The following SLC35A5 variants were observed in gnomAD, a reference collection of about 807,000 sequenced individuals.
The protein encoded by SLC35A5 is solute carrier family 35 member A5, also known as UDP-sugar transporter protein SLC35A5.
A neutral mutation model predicts 36.3 loss-of-function variants in SLC35A5; 28 were observed. The ratio of observed to expected loss-of-function variants is 0.77; its 90% confidence interval spans 0.57 to 1.06. The LOEUF is 1.06. Among genes scored for constraint, SLC35A5 ranks in the 50% least tolerant of loss-of-function variants. The probability of loss-of-function intolerance (pLI) is 0.00; values close to 1 mark genes in which losing one functional copy is unlikely to be tolerated. For synonymous variants in SLC35A5, 180 were observed against 173.7 expected (o/e 1.04, Z -0.29); for missense variants, 521 against 499.3 (o/e 1.04, Z -0.41).
chr3:112,572,860 G>T (rs573629142), intron 4 of SLC35A5, among the ~76,000 whole-genome samples: 1 of 152,282 alleles, frequency 6.6e-6, no homozygotes, highest in South Asian at 2.1e-4. Flanking sequence ...TAATGTGATT[G>T]ATCAAGGCCA....
intron 3 of SLC35A5, 155 bp from the exon 4 acceptor site, chr3:112,570,385 G>A: frequency 1.4e-6 from 1 of 696,020 alleles, no homozygotes. Flanking sequence ...GATTGTCAGT[G>A]ATGAAACTGG....
In SLC35A5 at chr3:112,584,398, A is replaced by G. The variant is rs1256305577; in HGVS notation, c.*1662A>G. 6.6e-6 allele frequency: 1 copy of G among 152,222 alleles called. No individual in the cohort carries two copies. Among genetic ancestry groups the G allele is most frequent in the African/African-American group, 2.4e-5 (1 of 41,458 alleles). The allele number at this position is 152,222 out of a possible 1,614,324, so 9.4% of individuals were successfully genotyped here. ...GCAGGACCTTTCTAGGAAATGTGGC[A>G]TACAAAACATTTTTATCTCATAAAA... On this transcript the variant is annotated 3_prime_UTR_variant, in exon 7 of 7. Transcript: ENST00000492406.
At chr3:112,563,214 T>C (rs988455121) in intron 1 of SLC35A5, among the ~76,000 whole-genome samples, 171 bp from the exon 2 acceptor site, 6 of 152,238 alleles carry the variant, frequency 3.9e-5, no homozygotes, top group African/African-American at 1.4e-4. Flanking sequence ...CTCCCTCTTA[T>C]CAGATTTTCA....
chr3:112,572,588 T>G (rs1934495200), intron 4 of SLC35A5, among the ~76,000 whole-genome samples: 1 of 152,208 alleles, frequency 6.6e-6, no homozygotes, highest in Non-Finnish European at 1.5e-5. Context: ...AAATGGCAAC[T>G]TCCTTATTTT....
intron 2 of SLC35A5, among the ~76,000 whole-genome samples, chr3:112,566,318 G>A (rs1934195659): frequency 6.6e-6 from 1 of 152,110 alleles, no homozygotes; most frequent in East Asian, 1.9e-4. Context: ...TGCAGTATCT[G>A]GCATGTCATG....
At chr3:112,574,145 T>G (rs1934572777) in intron 5 of SLC35A5, among the ~76,000 whole-genome samples, 189 bp downstream of exon 5, 1 of 152,198 alleles carries the variant, frequency 6.6e-6, no homozygotes, top group Non-Finnish European at 1.5e-5. Context: ...AAATCCTCTG[T>G]GATCAGATGA....
At chr3:112,561,362 T>C, upstream of SLC35A5, 4 of 1,316,890 alleles carry the variant, frequency 3.0e-6, no homozygotes, top group Non-Finnish European at 4.3e-6. Flanking sequence ...TCCTACACCT[T>C]GCCCCGCCGG....
In SLC35A5 at chr3:112,563,471, G is replaced by A; in HGVS notation, c.68G>A (p.Gly23Asp). Reference protein sequence around the residue: ...SLSTMYTFLLGAIFIALSSSR... With the variant: ...SLSTMYTFLLDAIFIALSSSR... ...TCAACAATGTATACATTCCTGCTAG[G>A]TGCCATATTCATTGCTTTAAGCTCA... Residue 23 changes from glycine to aspartate, a missense_variant, in exon 2 of 7, where the codon GGT (glycine) becomes GAT (aspartate). Transcript: ENST00000492406. 1.9e-6 allele frequency: 3 copies of A among 1,608,182 alleles called. No homozygotes were observed. Among genetic ancestry groups the A allele is most frequent in the South Asian group, 1.1e-5 (1 of 90,630 alleles).
At chr3:112,570,383 G>A in intron 3 of SLC35A5, 157 bp from the exon 4 acceptor site, 1 of 675,148 alleles carries the variant, frequency 1.5e-6, no homozygotes, top group Non-Finnish European at 2.4e-6. Flanking sequence ...CTGATTGTCA[G>A]TGATGAAACT....
chr3:112,569,323 A>G, intron 3 of SLC35A5, 54 bp downstream of exon 3: 1 of 1,334,362 alleles, frequency 7.5e-7, no homozygotes, highest in Non-Finnish European at 1.1e-6. Context: ...AAAAAATGTT[A>G]GAACTGGAAG....
chr3:112,578,847 T>C (rs1021884288), intron 5 of SLC35A5, among the ~76,000 whole-genome samples: 4 of 152,186 alleles, frequency 2.6e-5, no homozygotes, highest in East Asian at 3.8e-4. Flanking sequence ...TAATTAATTA[T>C]GGAATTTTTT....
chr3:112,583,494 A>T lies in SLC35A5; in HGVS notation c.*758A>T, dbSNP rs1935025680. The T allele has an allele frequency of 5.2e-6, 1 of 191,694 alleles. No individual in the cohort carries two copies. Among genetic ancestry groups the T allele is most frequent in the Non-Finnish European group, 1.1e-5 (1 of 94,732 alleles). The allele number at this position is 191,694 out of a possible 1,614,324, so 11.9% of individuals were successfully genotyped here. A position where few individuals can be genotyped will look rare whatever the true frequency, so the allele number is the denominator to read the frequency against. ...TTTTCTCCTCAGTTTGAGGAGAAAAATCTTGATGTCATTACTCCTGAATTA... is the reference window on the plus strand; with the variant it reads ...TTTTCTCCTCAGTTTGAGGAGAAAATTCTTGATGTCATTACTCCTGAATTA... On this transcript the variant is annotated 3_prime_UTR_variant, in exon 7 of 7. Transcript: ENST00000492406.
chr3:112,582,675 GAGA>G lies in SLC35A5; in HGVS notation c.1219_1221del (p.Glu407del). The G allele has an allele frequency of 6.2e-7, 1 of 1,611,332 alleles. No homozygotes were observed. Among genetic ancestry groups the G allele is most frequent in the Non-Finnish European group, 8.5e-7 (1 of 1,178,112 alleles). ...TGCTTTCATGTTTCCTTTTAGGATG[GAGA>G]AGAACTAGAAAGACTTACCAAACCC... On this transcript the variant is annotated inframe_deletion, in exon 7 of 7. Transcript: ENST00000492406.
In SLC35A5 at chr3:112,564,914, G is replaced by A. The variant is rs144744844; in HGVS notation, c.130+1381G>A. 6.1e-3 allele frequency among the ~76,000 whole-genome samples: 933 copies of A among 152,308 alleles called. 7 individuals are homozygous for A. Among genetic ancestry groups the A allele is most frequent in the African/African-American group, 0.02 (842 of 41,556 alleles). ...ACCTGTTTCAGGGAGCACAGGGTTG[G>A]GGGTAAGGTTACAGATTGCAGAACA... On this transcript the variant is annotated intron_variant, in intron 2 of 6. Coordinates refer to ENST00000492406, the MANE Select transcript of SLC35A5 (RefSeq NM_017945.5).
intron 5 of SLC35A5, 44 bp from the exon 6 acceptor site, chr3:112,580,502 G>A (rs1391700371): frequency 6.5e-7 from 1 of 1,530,742 alleles, no homozygotes; most frequent in East Asian, 2.3e-5. Flanking sequence ...CTATTGATAT[G>A]GGGGGAAAAC....
At chr3:112,562,860 G>A (rs1341635662) in intron 1 of SLC35A5, among the ~76,000 whole-genome samples, 4 of 152,024 alleles carry the variant, frequency 2.6e-5, no homozygotes, top group African/African-American at 7.2e-5. Context: ...AGGAGTTCGA[G>A]ACCAGCCTGG....
chr3:112,581,239 T>A lies in SLC35A5; in HGVS notation c.1122T>A (p.Asn374Lys), dbSNP rs1170800830. The A allele has an allele frequency of 3.1e-6, 5 of 1,613,808 alleles. No individual in the cohort carries two copies. In the African/African-American group the frequency reaches 4.0e-5, roughly 13 times the overall value. Reference protein sequence around the residue: ...PSVLLSIFIYNASKPQVPEYA... With the variant: ...PSVLLSIFIYKASKPQVPEYA... ...TCCTTCTCTCTATATTTATTTATAA[T>A]GCCAGCAAGCCTCAAGTTCCGGAAT... The change falls in exon 6 of 7, where the codon AAT becomes AAA. Residue 374 changes from asparagine (N) to lysine (K), a missense_variant. Asn to Lys is a moderately conservative substitution (Grantham distance 94). Coordinates refer to ENST00000492406, the MANE Select transcript of SLC35A5 (RefSeq NM_017945.5).
rs536511827 is a variant in SLC35A5, at chr3:112,569,250, A to T, written c.210A>T (p.Ser70=). The change falls in exon 3 of 7, where the codon TCA becomes TCT. Residue 70 remains serine (S), a synonymous_variant. Transcript: ENST00000492406. ...AGCTAGTTTTCTGTGTGCTTGTGTC[A>T]TTCTGTGTTATAAAGAAAGGTAAGT... ...LVKLVFCVLV[S]FCVIKKDHQS... 6.2e-7 allele frequency: 1 copy of T among 1,613,894 alleles called. No homozygotes were observed. Among genetic ancestry groups the T allele is most frequent in the South Asian group, 1.1e-5 (1 of 91,056 alleles).
At chr3:112,563,274 A>G (rs1157492208) in intron 1 of SLC35A5, 111 bp from the exon 2 acceptor site, 3 of 875,638 alleles carry the variant, frequency 3.4e-6, no homozygotes, top group African/African-American at 1.7e-5. Flanking sequence ...TGGTGCTGAT[A>G]TAGTCATAGC....
Sources: gnomAD v4.1 joint callset for allele counts (sites outside exome capture counted in the v4.1 genomes callset) on GRCh38, gnomAD v4.1.1 for gene constraint, MANE v1.5 for transcripts, NCBI Gene and HGNC (gene_info 2026-07-23, HGNC 2026-07-21) for gene names.